Variants in ACACA observed in about 807,000 individuals in gnomAD.
The protein encoded by ACACA is acetyl-CoA carboxylase 1.
Under a neutral mutation model 296.1 loss-of-function variants are expected in ACACA, and 103 were observed. That is an observed-to-expected ratio of 0.35 (90% confidence interval 0.30 to 0.41). ACACA has a LOEUF of 0.41. ACACA is among the 10% of genes least tolerant of loss of function. The pLI is 1.00. For synonymous variants in ACACA, 953 were observed against 1,038.6 expected (o/e 0.92, Z 1.58); for missense variants, 1,554 against 2,989.7 (o/e 0.52, Z 11.20).
intron 51 of ACACA, among the ~76,000 whole-genome samples, chr17:37,112,720 C>T (rs778225041): frequency 2.6e-5 from 4 of 152,132 alleles, no homozygotes; most frequent in South Asian, 2.1e-4. Context: ...TCCACTAAAA[C>T]GACTGGAGGT....
chr17:37,203,547 CA>C (rs2078368104), intron 33 of ACACA, among the ~76,000 whole-genome samples: 1 of 151,732 alleles, frequency 6.6e-6, no homozygotes, highest in Non-Finnish European at 1.5e-5. Flanking sequence ...AGTTTAAGAC[CA>C]GCCTGACCAA....
intron 52 of ACACA, among the ~76,000 whole-genome samples, chr17:37,111,016 C>T (rs143240503): frequency 6.6e-6 from 1 of 152,236 alleles, no homozygotes; most frequent in Non-Finnish European, 1.5e-5. Context: ...ATTAAGCACG[C>T]CTGCTCTCAG....
intron 3 of ACACA, among the ~76,000 whole-genome samples, chr17:37,312,688 AG>A (rs1201515939): frequency 6.6e-6 from 1 of 152,198 alleles, no homozygotes; most frequent in African/African-American, 2.4e-5. Flanking sequence ...AGACTAGGCT[AG>A]AGATAATGAA....
At chr17:37,284,364 C>G (rs937987218) in intron 4 of ACACA, among the ~76,000 whole-genome samples, 1 of 152,208 alleles carries the variant, frequency 6.6e-6, no homozygotes, top group Non-Finnish European at 1.5e-5. Context: ...ATTATCTCCC[C>G]ACCAGCACCC....
Position 37,259,476 on chromosome 17 carries a change from A to G in ACACA, c.1384T>C (p.Tyr462His). The change falls in exon 12 of 56, where the codon TAC becomes CAC. Residue 462 changes from tyrosine to histidine, a missense_variant. Around this residue, in one of 16 missense-constraint regions of ACACA, gnomAD observed 82 missense variants for 185.2 expected, o/e 0.44. Coordinates refer to ENST00000616317, the MANE Select transcript of ACACA (RefSeq NM_198834.3). Reference sequence around the variant, plus strand: ...AAGCTGCCATCCTGGCTGTACAGGTATTCCACAGTCCCAGCACTCACATAA... The same window carrying G: ...AAGCTGCCATCCTGGCTGTACAGGTGTTCCACAGTCCCAGCACTCACATAA... ...VGYVSAGTVEYLYSQDGSFYF... is the reference protein window; with the variant it reads ...VGYVSAGTVEHLYSQDGSFYF... 1 of 1,614,192 alleles carries G rather than the reference A, an allele frequency of 6.2e-7. No homozygotes were observed. The highest frequency in any genetic ancestry group is 8.5e-7 in the Non-Finnish European group (1 of 1,180,022).
intron 14 of ACACA, among the ~76,000 whole-genome samples, chr17:37,254,867 G>GA (rs759041536): frequency 0.016 from 1,836 of 111,976 alleles, 20 homozygotes; most frequent in African/African-American, 0.043. Flanking sequence ...CTCCATGTCA[G>GA]AAAAAAAAAA....
chr17:37,230,394 AT>A (rs2079803110), intron 25 of ACACA, among the ~76,000 whole-genome samples: 2 of 134,956 alleles, frequency 1.5e-5, no homozygotes, highest in African/African-American at 6.2e-5. Flanking sequence ...CAAAAAATAA[AT>A]AAATAAATAA....
chr17:37,330,639 T>C (rs1381171660), intron 2 of ACACA, among the ~76,000 whole-genome samples: 1 of 152,178 alleles, frequency 6.6e-6, no homozygotes, highest in Non-Finnish European at 1.5e-5. Context: ...TAAAACCAGT[T>C]CCCTTTTCCT....
At chr17:37,209,746 C>T (rs2145436168) in intron 30 of ACACA, among the ~76,000 whole-genome samples, 1 of 152,294 alleles carries the variant, frequency 6.6e-6, no homozygotes, top group East Asian at 1.9e-4. Flanking sequence ...CTTACTATTG[C>T]TTTTGCATTT....
intron 1 of ACACA, among the ~76,000 whole-genome samples, chr17:37,359,605 G>A (rs948189031): frequency 6.6e-6 from 1 of 152,210 alleles, no homozygotes; most frequent in African/African-American, 2.4e-5. Context: ...GAGGGGCCAG[G>A]ACTAGCCGGC....
In ACACA at chr17:37,252,042, G is replaced by T; in HGVS notation, c.2044C>A (p.Arg682=). Residue 682 remains arginine, a synonymous_variant, in exon 16 of 56, where the codon CGG becomes AGG. Coordinates refer to ENST00000616317, the MANE Select transcript of ACACA (RefSeq NM_198834.3). ...GALHVADVSL[R]NSVSNFLHSL... ...TGAAGGAAGTTAGAGACGCTATTCCGCAGGCTCACATCTGCCACGTGGAGG... is the reference window on the plus strand; with the variant it reads ...TGAAGGAAGTTAGAGACGCTATTCCTCAGGCTCACATCTGCCACGTGGAGG... The T allele has an allele frequency of 6.2e-7, 1 of 1,614,172 alleles. No homozygotes were observed.
At chr17:37,228,262 T>C (rs1300213582) in intron 25 of ACACA, among the ~76,000 whole-genome samples, 2 of 140,930 alleles carry the variant, frequency 1.4e-5, no homozygotes, top group Admixed American at 1.5e-4. Context: ...TCTGGTTCCC[T>C]AATCCACCAA....
chr17:37,336,285 AGGAAGCAGTTAGAGT>A (rs1181308132), intron 2 of ACACA, among the ~76,000 whole-genome samples: 1 of 152,162 alleles, frequency 6.6e-6, no homozygotes. Flanking sequence ...CCAATTCAGC[AGGAAGCAGTTAGAGT>A]GGTTGTTGGC....
Position 37,297,247 on chromosome 17 carries a change from G to A in ACACA, c.339-12277C>T, listed in dbSNP as rs2083385423. The stretch of plus-strand genomic sequence containing the variant: ...ACCTGAGGTCGAGAGTTCGAGACCA[G>A]TCTGACCAACATGGAGAAACCCCAT... On this transcript the variant is annotated intron_variant, in intron 3 of 55. Transcript: ENST00000616317. 4.6e-5 allele frequency among the ~76,000 whole-genome samples: 7 copies of A among 151,370 alleles called. No homozygotes were observed. In the South Asian group the frequency reaches 1.5e-3, roughly 32 times the overall value.
At chr17:37,119,546 G>T (rs2074416197) in intron 50 of ACACA, among the ~76,000 whole-genome samples, 1 of 148,090 alleles carries the variant, frequency 6.8e-6, no homozygotes. Context: ...ATAAAATGTG[G>T]TAGTTCTCCA....
At position 37,221,755 on chromosome 17, in the gene ACACA, G is replaced by A; in HGVS notation, c.3652C>T (p.Gln1218Ter). 1 of 1,614,140 alleles carries A rather than the reference G, an allele frequency of 6.2e-7. No homozygotes were observed. Among genetic ancestry groups the A allele is most frequent in the Non-Finnish European group, 8.5e-7 (1 of 1,179,986 alleles). Residue 1218 changes from glutamine (Q) to a stop codon, truncating the protein, a stop_gained, in exon 29 of 56, where the codon CAG becomes TAG. Coordinates refer to ENST00000616317, the MANE Select transcript of ACACA (RefSeq NM_198834.3). LOFTEE classifies it high-confidence loss of function. ...LKDNTCVVEF[Q>*]FMLPTSHPNR... ...GGATGAGATGTGGGCAGCATGAACTGGAATTCCACCACACAGGTGTTGTCC... is the reference window on the plus strand; with the variant it reads ...GGATGAGATGTGGGCAGCATGAACTAGAATTCCACCACACAGGTGTTGTCC...
intron 45 of ACACA, chr17:37,143,613 G>A: frequency 1.2e-6 from 1 of 822,372 alleles, no homozygotes; most frequent in Non-Finnish European, 1.9e-6. Flanking sequence ...TTCTTTAAAA[G>A]GAGTGAGTTG....
chr17:37,205,223 T>C (rs2078442676), intron 33 of ACACA, among the ~76,000 whole-genome samples: 1 of 152,020 alleles, frequency 6.6e-6, no homozygotes, highest in Non-Finnish European at 1.5e-5. Flanking sequence ...GTAAAAGGTA[T>C]AGTGAGTTGT....
chr17:37,203,214 C>A (rs113952262), intron 33 of ACACA, among the ~76,000 whole-genome samples: 3,903 of 151,960 alleles, frequency 0.026, 122 homozygotes, highest in African/African-American at 0.074. Flanking sequence ...CCCGCCTTGG[C>A]CTCCCAAAGT....
Sources: gnomAD v4.1 joint callset for allele counts (sites outside exome capture counted in the v4.1 genomes callset) on GRCh38, gnomAD v4.1.1 for gene constraint, gnomAD v4.1.1 regional missense constraint, MANE v1.5 for transcripts, NCBI Gene and HGNC (gene_info 2026-07-23, HGNC 2026-07-21) for gene names.